The following NALCN variants were observed in gnomAD, a reference collection of about 807,000 sequenced individuals.
NALCN encodes sodium leak channel, non-selective.
Under a neutral mutation model 225.3 loss-of-function variants are expected in NALCN, and 111 were observed. The ratio of observed to expected loss-of-function variants is 0.49; its 90% CI spans 0.42 to 0.58. NALCN has a LOEUF of 0.58. Among genes scored for constraint, NALCN ranks in the 20% least tolerant of loss-of-function variants. NALCN has a pLI of 0.00. For missense variants in NALCN, 1,378 were observed against 2,202.4 expected, an observed-to-expected ratio of 0.63 and a Z score of 7.49; for synonymous variants, 764 against 769.0, an observed-to-expected ratio of 0.99 and a Z score of 0.11.
chr13:101,170,203 A>G (rs1223123483), intron 15 of NALCN, among the ~76,000 whole-genome samples: 2 of 152,204 alleles, frequency 1.3e-5, no homozygotes, highest in African/African-American at 4.8e-5. Context: ...GATAAGTCCC[A>G]CTATCTGCTC....
At chr13:101,163,098 T>C (rs1225985692) in intron 15 of NALCN, among the ~76,000 whole-genome samples, 3 of 152,142 alleles carry the variant, frequency 2.0e-5, no homozygotes, top group Admixed American at 6.5e-5. Flanking sequence ...AGATAGGGTT[T>C]CACCATATTG....
intron 11 of NALCN, among the ~76,000 whole-genome samples, chr13:101,238,337 A>G (rs2041639354): frequency 6.6e-6 from 1 of 152,078 alleles, no homozygotes; most frequent in African/African-American, 2.4e-5. Flanking sequence ...ACCTAATTAA[A>G]CTAAAATTTA....
chr13:101,395,510 G>A, intron 2 of NALCN, 145 bp from the exon 3 acceptor site: 1 of 694,880 alleles, frequency 1.4e-6, no homozygotes, highest in Non-Finnish European at 2.3e-6. Context: ...CTAACACTAA[G>A]TGCATATAAT....
At position 101,059,808 on chromosome 13, in the gene NALCN, G is replaced by C; in HGVS notation, c.4905+10C>G. ...AGTGTCCTGGGACAGAGGACGCCTC[G>C]TGCCCATACCTCAGGTTGCATGCTG... On this transcript the variant is annotated intron_variant, in intron 42 of 43. Coordinates refer to ENST00000251127, the MANE Select transcript of NALCN (RefSeq NM_052867.4). 1 of 1,613,404 alleles carries C rather than the reference G, an allele frequency of 6.2e-7. No individual in the cohort carries two copies. The highest frequency in any genetic ancestry group is 8.5e-7 in the Non-Finnish European group (1 of 1,179,752).
rs1356548122 is a variant in NALCN at position 101,073,635 on chromosome 13, C to A, written c.4146G>T (p.Leu1382=). 1 of 1,613,220 alleles carries A rather than the reference C, an allele frequency of 6.2e-7. No individual in the cohort carries two copies. The highest frequency in any genetic ancestry group is 8.5e-7 in the Non-Finnish European group (1 of 1,179,762). Reference sequence around the variant, plus strand: ...AGTCTTCACCTGTGACAATTCGGAACAGTACGGTAATAGCTTTTCCAGCCG... The same window carrying A: ...AGTCTTCACCTGTGACAATTCGGAAAAGTACGGTAATAGCTTTTCCAGCCG... ...FSSAGKAITV[L]FRIVTGEDWN... is the part of the protein sequence containing the mutation. Residue 1382 remains leucine, a synonymous_variant, in exon 37 of 44, where the codon CTG becomes CTT. Transcript: ENST00000251127.
chr13:101,401,220 ATTTATG>A (rs1274847927), intron 1 of NALCN, among the ~76,000 whole-genome samples: 2 of 152,056 alleles, frequency 1.3e-5, no homozygotes, highest in Non-Finnish European at 2.9e-5. Context: ...GCACTAATTA[ATTTATG>A]TTATATAATT....
chr13:101,155,350 A>T (rs60911992), intron 15 of NALCN, among the ~76,000 whole-genome samples: 2,781 of 152,304 alleles, frequency 0.018, 89 homozygotes, highest in African/African-American at 0.063. Flanking sequence ...TCATTGTCAC[A>T]TCTGAAGTTT....
Position 101,068,680 on chromosome 13 carries a change from A to G in NALCN, c.4330+15T>C. 1.9e-6 allele frequency: 3 copies of G among 1,580,596 alleles called. No individual in the cohort carries two copies. The highest frequency in any genetic ancestry group is 2.6e-6 in the Non-Finnish European group (3 of 1,165,048). Reference sequence around the variant, plus strand: ...GAGTTTAAAGAGTAAAAAGTATTCAACTAACATCACTTACCTACAAGCAGA... The same window carrying G: ...GAGTTTAAAGAGTAAAAAGTATTCAGCTAACATCACTTACCTACAAGCAGA... On this transcript the variant is annotated intron_variant, in intron 38 of 43. Transcript: ENST00000251127.
chr13:101,414,298 G>C (rs930798491), intron 1 of NALCN, among the ~76,000 whole-genome samples: 1 of 152,086 alleles, frequency 6.6e-6, no homozygotes, highest in Non-Finnish European at 1.5e-5. Context: ...TTTCCTGAAG[G>C]ATTCTTAGGC....
intron 31 of NALCN, among the ~76,000 whole-genome samples, 175 bp downstream of exon 31, chr13:101,083,536 G>A (rs1038001532): frequency 6.6e-6 from 1 of 152,114 alleles, no homozygotes; most frequent in African/African-American, 2.4e-5. Flanking sequence ...CAGCCTTTGG[G>A]TGGTTGATTT....
chr13:101,153,848 A>T (rs1275585470), intron 15 of NALCN, among the ~76,000 whole-genome samples: 1 of 152,188 alleles, frequency 6.6e-6, no homozygotes, highest in Non-Finnish European at 1.5e-5. Context: ...TAATGCAAAG[A>T]CTATCAATTA....
chr13:101,413,738 AAATTCAAAAAATC>A lies in NALCN; in HGVS notation c.-40+2562_-40+2574del, dbSNP rs531223515. Among the ~76,000 whole-genome samples the A allele has an allele frequency of 2.4e-3, 370 of 152,306 alleles. 7 individuals are homozygous for A. The highest frequency in any genetic ancestry group is 2.8e-3 in the Non-Finnish European group (188 of 68,030). On this transcript the variant is annotated intron_variant, in intron 1 of 43. Transcript: ENST00000251127. ...ATCTCTATCAACTTTGGTTACTTTAAAATTCAAAAAATCAATTAAAAAAATTTAAGCATTTGCA... is the reference window on the plus strand; with the variant it reads ...ATCTCTATCAACTTTGGTTACTTTAAAATTAAAAAAATTTAAGCATTTGCA...
chr13:101,132,020 T>G (rs924477365), intron 17 of NALCN, among the ~76,000 whole-genome samples: 2 of 152,142 alleles, frequency 1.3e-5, no homozygotes, highest in African/African-American at 4.8e-5. Context: ...GCTTTTCTCT[T>G]TATTATTTCT....
chr13:101,314,211 A>G (rs543889420), intron 7 of NALCN, among the ~76,000 whole-genome samples: 23 of 151,730 alleles, frequency 1.5e-4, no homozygotes, highest in African/African-American at 5.3e-4. Flanking sequence ...GCCTAATGCT[A>G]AATGACGAGT....
intron 13 of NALCN, among the ~76,000 whole-genome samples, chr13:101,199,647 T>G: frequency 1.2e-5 from 1 of 82,232 alleles, no homozygotes; most frequent in African/African-American, 5.0e-5. Context: ...TGGGGCCTGT[T>G]GTGGGGTGGG....
intron 17 of NALCN, among the ~76,000 whole-genome samples, chr13:101,137,279 G>C (rs2036845712): frequency 2.6e-5 from 4 of 152,032 alleles, no homozygotes; most frequent in Admixed American, 2.0e-4. Context: ...TGGTACTGCA[G>C]AGAAGCTAAG....
rs529060617 is a variant in NALCN at position 101,359,762 on chromosome 13, C to T, written c.645-14342G>A. Among the ~76,000 whole-genome samples, 83 of 152,270 alleles carry T rather than the reference C, an allele frequency of 5.5e-4. 1 individual carries two copies. The highest frequency in any genetic ancestry group is 4.3e-3 in the South Asian group (21 of 4,828). ...AAAACTAGAAAAAGAAACACAGGCT[C>T]TTCCACTTACTGAATTTTTGACAAA... On this transcript the variant is annotated intron_variant, in intron 6 of 43. Transcript: ENST00000251127.
intron 9 of NALCN, 102 bp downstream of exon 9, chr13:101,291,888 T>C (rs2043566809): frequency 7.0e-6 from 8 of 1,138,536 alleles, no homozygotes; most frequent in African/African-American, 3.1e-5. Context: ...AGTCAGACTA[T>C]AGAAGCCCAT....
chr13:101,118,060 C>G (rs567657943), intron 18 of NALCN, among the ~76,000 whole-genome samples: 28 of 152,092 alleles, frequency 1.8e-4, no homozygotes, highest in South Asian at 1.0e-3. Flanking sequence ...GGAGTGAACC[C>G]TAGTGTCAGC....
Sources: allele counts gnomAD v4.1 joint callset (sites outside exome capture counted in the v4.1 genomes callset), GRCh38; gene constraint gnomAD v4.1.1; transcripts MANE v1.5; gene names NCBI Gene and HGNC (gene_info 2026-07-23, HGNC 2026-07-21).